The following CEP43 variants were observed in gnomAD, a reference collection of about 807,000 sequenced individuals.
The protein encoded by CEP43 is FGFR1 oncogene partner.
CEP43 carries 36 observed loss-of-function variants against 52.6 expected under a neutral mutation model. That is an observed-to-expected ratio of 0.68 (90% CI 0.52 to 0.90). The LOEUF is 0.90. Ranked by LOEUF, CEP43 falls within the 40% of genes least tolerant of loss-of-function variation. The pLI, the probability that CEP43 is intolerant of heterozygous loss-of-function variation, is 0.00. For missense variants in CEP43, 506 were observed against 472.8 expected (o/e 1.07, Z -0.65); for synonymous variants, 192 against 172.4 (o/e 1.11, Z -0.89).
chr6:167,015,396 T>C (rs1231849902), intron 7 of CEP43, among the ~76,000 whole-genome samples: 1 of 152,244 alleles, frequency 6.6e-6, no homozygotes, highest in Non-Finnish European at 1.5e-5. Flanking sequence ...TGCTTTGCCT[T>C]GTGCATGCAG....
chr6:167,040,733 A>G lies in CEP43; in HGVS notation c.*755A>G. 1 of 1,020,550 alleles carries G rather than the reference A, an allele frequency of 9.8e-7. No individual in the cohort carries two copies. Among genetic ancestry groups the G allele is most frequent in the Non-Finnish European group, 1.2e-6 (1 of 849,306 alleles). The allele number at this position is 1,020,550 out of a possible 1,614,324, so 63.2% of individuals were successfully genotyped here. On this transcript the variant is annotated 3_prime_UTR_variant, in exon 13 of 13. Coordinates refer to ENST00000366847, the MANE Select transcript of CEP43 (RefSeq NM_007045.4). The stretch of plus-strand genomic sequence containing the variant: ...TCTTCATTATAATTTATTATCTGTA[A>G]AGATTCCTTGAAACTTAAATGCATC...
intron 10 of CEP43, among the ~76,000 whole-genome samples, chr6:167,028,998 G>C (rs558359797): frequency 6.6e-6 from 1 of 152,296 alleles, no homozygotes; most frequent in Admixed American, 6.5e-5. Context: ...AGCTTTTTCC[G>C]TAAAGGGCCA....
Position 167,003,726 on chromosome 6 carries a change from G to A in CEP43, c.215G>A (p.Arg72His), listed in dbSNP as rs377028909. 21 of 1,606,000 alleles carry A rather than the reference G, an allele frequency of 1.3e-5. No individual in the cohort carries two copies. Among genetic ancestry groups the A allele is most frequent in the East Asian group, 2.2e-5 (1 of 44,712 alleles). Residue 72 changes from arginine to histidine, a missense_variant, in exon 4 of 13, where the codon CGT (arginine) becomes CAT (histidine). Physicochemically the swap from Arg to His is conservative, Grantham distance 29. Coordinates refer to ENST00000366847, the MANE Select transcript of CEP43 (RefSeq NM_007045.4). ...LKKFLNTKDG[R>H]LVASLVAEFL... ...ACCTTTTTCTTGATCTTTATAGGTC[G>A]TTTAGTGGCTAGTCTTGTTGCAGAA...
In CEP43 at chr6:167,052,125, C is replaced by T. The variant is rs1438208642; in HGVS notation, c.*12147C>T. Reference sequence around the variant, plus strand: ...TGAATGCTTGATGGCTCACAATCTCCTTCTCAGTTTATCAGAATCTACTTA... The same window carrying T: ...TGAATGCTTGATGGCTCACAATCTCTTTCTCAGTTTATCAGAATCTACTTA... On this transcript the variant is annotated 3_prime_UTR_variant, in exon 13 of 13. Coordinates refer to ENST00000366847, the MANE Select transcript of CEP43 (RefSeq NM_007045.4). 1 of 152,064 alleles carries T rather than the reference C, an allele frequency of 6.6e-6. No homozygotes were observed. Among genetic ancestry groups the T allele is most frequent in the Non-Finnish European group, 1.5e-5 (1 of 68,012 alleles). 9.4% of individuals were successfully genotyped at this position (152,064 alleles called of 1,614,324 possible). A position where few individuals can be genotyped will look rare whatever the true frequency, so the allele number is the denominator to read the frequency against.
intron 12 of CEP43, chr6:167,036,685 T>G (rs1780591718): frequency 1.0e-6 from 1 of 983,308 alleles, no homozygotes; most frequent in African/African-American, 1.7e-5. Context: ...AAAATGTACG[T>G]TTTAGATATT....
At position 167,040,268 on chromosome 6, in the gene CEP43, A is replaced by C. The variant is rs1780668267; in HGVS notation, c.*290A>C. 23 of 1,486,324 alleles carry C rather than the reference A, an allele frequency of 1.5e-5. No individual in the cohort carries two copies. In the South Asian group the frequency reaches 2.8e-4, roughly 18 times the overall value. The allele number at this position is 1,486,324 out of a possible 1,614,324, so 92.1% of individuals were successfully genotyped here. A position where few individuals can be genotyped will look rare whatever the true frequency, so the allele number is the denominator to read the frequency against. ...CAGGGAAGGAACCCATGAAAACATC[A>C]GTGTTAAGAGCATGATGAAAGGTGT... On this transcript the variant is annotated 3_prime_UTR_variant, in exon 13 of 13. Transcript: ENST00000366847.
rs1779794775 is a variant in CEP43, at chr6:167,003,930, G to T, written c.300+119G>T. 4 of 696,498 alleles carry T rather than the reference G, an allele frequency of 5.7e-6. No individual in the cohort carries two copies. The South Asian group carries it at 6.0e-5, about 10-fold the overall frequency. 43.1% of individuals were successfully genotyped at this position (696,498 alleles called of 1,614,324 possible). On this transcript the variant is annotated intron_variant, in intron 4 of 12. Transcript: ENST00000366847. ...GTTTTTTACATTTAGATTATTTTTG[G>T]TAGTTGATTATCTGTTTTTCTTAAA...
intron 11 of CEP43, among the ~76,000 whole-genome samples, chr6:167,032,985 G>A (rs948665248): frequency 2.0e-5 from 3 of 151,782 alleles, no homozygotes; most frequent in African/African-American, 4.8e-5. Flanking sequence ...TTTTTGTGGC[G>A]GGAATTGTCT....
intron 12 of CEP43, chr6:167,036,522 A>C (rs1780588673): frequency 1.0e-6 from 1 of 985,332 alleles, no homozygotes; most frequent in African/African-American, 1.7e-5. Flanking sequence ...ACAGAACATA[A>C]GTGTGCATCC....
intron 12 of CEP43, among the ~76,000 whole-genome samples, chr6:167,039,278 C>T (rs528864015): frequency 3.6e-4 from 55 of 152,156 alleles, no homozygotes; most frequent in Non-Finnish European, 6.2e-4. Flanking sequence ...TACAGGCACC[C>T]GCTATATTGT....
At chr6:167,021,904 A>G (rs1034835064) in intron 7 of CEP43, among the ~76,000 whole-genome samples, 3 of 152,202 alleles carry the variant, frequency 2.0e-5, no homozygotes, top group African/African-American at 7.2e-5. Flanking sequence ...GAAAATTGCT[A>G]TTTTTACTGA....
intron 8 of CEP43, 37 bp downstream of exon 8, chr6:167,022,672 T>G (rs752942461): frequency 3.2e-6 from 4 of 1,241,904 alleles, no homozygotes; most frequent in Non-Finnish European, 4.6e-6. Flanking sequence ...GACTAGGGGT[T>G]TAAAAATAAG....
chr6:167,005,736 C>CA (rs1483770191), intron 5 of CEP43, among the ~76,000 whole-genome samples: 2 of 152,184 alleles, frequency 1.3e-5, no homozygotes, highest in African/African-American at 4.8e-5. Flanking sequence ...CAATCAAAAA[C>CA]AAACTAAAGA....
At position 167,041,635 on chromosome 6, in the gene CEP43, A is replaced by G. The variant is rs994882140; in HGVS notation, c.*1657A>G. 26 of 1,043,568 alleles carry G rather than the reference A, an allele frequency of 2.5e-5. No homozygotes were observed. The highest frequency in any genetic ancestry group is 3.3e-5 in the African/African-American group (2 of 59,894). The allele number at this position is 1,043,568 out of a possible 1,614,324, so 64.6% of individuals were successfully genotyped here. ...TTATTTTTAATATTTGATAGGAACT[A>G]GGTTTCAGTGAAATGATTTGAAAGC... On this transcript the variant is annotated 3_prime_UTR_variant, in exon 13 of 13. Transcript: ENST00000366847.
rs1780672447 is a variant in CEP43 at position 167,040,440 on chromosome 6, A to G, written c.*462A>G. The stretch of plus-strand genomic sequence containing the variant: ...TAGGTGGTTCTACACATAGTTGGCA[A>G]AATGACTTGGTAAATTTGTAATGCT... On this transcript the variant is annotated 3_prime_UTR_variant, in exon 13 of 13. Transcript: ENST00000366847. 8.2e-7 allele frequency: 1 copy of G among 1,226,088 alleles called. No homozygotes were observed. The highest frequency in any genetic ancestry group is 1.0e-6 in the Non-Finnish European group (1 of 978,808). 76.0% of individuals were successfully genotyped at this position (1,226,088 alleles called of 1,614,324 possible). A position where few individuals can be genotyped will look rare whatever the true frequency, so the allele number is the denominator to read the frequency against.
At chr6:167,039,873 T>C in intron 12 of CEP43, 31 bp from the exon 13 acceptor site, 1 of 1,610,824 alleles carries the variant, frequency 6.2e-7, no homozygotes. Flanking sequence ...ATTCTGACAC[T>C]TAATTATTTT....
At chr6:167,033,743 A>G (rs920584419) in intron 11 of CEP43, 132 bp from the exon 12 acceptor site, 20 of 453,702 alleles carry the variant, frequency 4.4e-5, no homozygotes, top group African/African-American at 2.2e-4. Flanking sequence ...GACAATATGT[A>G]TGAAATTAAT....
At chr6:167,023,376 A>G (rs1780283131) in intron 8 of CEP43, among the ~76,000 whole-genome samples, 1 of 152,192 alleles carries the variant, frequency 6.6e-6, no homozygotes, top group Non-Finnish European at 1.5e-5. Context: ...GTGCTAGAGA[A>G]AAGTAATATA....
chr6:167,003,553 A>G, intron 3 of CEP43, 170 bp from the exon 4 acceptor site: 1 of 559,654 alleles, frequency 1.8e-6, no homozygotes, highest in Non-Finnish European at 3.2e-6. Context: ...TGAAAAAATC[A>G]GGAGATTGAG....
Sources: allele counts gnomAD v4.1 joint callset (sites outside exome capture counted in the v4.1 genomes callset), GRCh38; gene constraint gnomAD v4.1.1; transcripts MANE v1.5; gene names NCBI Gene and HGNC (gene_info 2026-07-23, HGNC 2026-07-21).